ANKMY1: variants seen among roughly 807,000 people sequenced by gnomAD.
ANKMY1 encodes ankyrin repeat and MYND domain-containing protein 1.
ANKMY1 carries 98 observed loss-of-function variants against 102.0 expected under a neutral mutation model. The ratio of observed to expected loss-of-function variants is 0.96; its 90% CI spans 0.82 to 1.14. The LOEUF is 1.14. Ranked by LOEUF, ANKMY1 falls within the 50% of genes most tolerant of loss-of-function variation. ANKMY1 has a pLI of 0.00. For missense variants in ANKMY1, 1,330 were observed against 1,347.6 expected, an observed-to-expected ratio of 0.99 and a Z score of 0.20; for synonymous variants, 582 against 559.9, an observed-to-expected ratio of 1.04 and a Z score of -0.56.
downstream of ANKMY1, among the ~76,000 whole-genome samples, chr2:240,476,901 G>A (rs1012206149): frequency 3.9e-5 from 6 of 152,310 alleles, no homozygotes; most frequent in African/African-American, 9.6e-5. Context: ...TTCACAACAC[G>A]AGAAAAACTT....
At chr2:240,482,992 T>C (rs1322576255) in intron 15 of ANKMY1, among the ~76,000 whole-genome samples, 1 of 152,224 alleles carries the variant, frequency 6.6e-6, no homozygotes, top group Non-Finnish European at 1.5e-5. Flanking sequence ...GGGTTTATAA[T>C]TGTTACATCT....
At chr2:240,530,652 C>T (rs1319425112) in intron 4 of ANKMY1, among the ~76,000 whole-genome samples, 1 of 152,112 alleles carries the variant, frequency 6.6e-6, no homozygotes, top group Non-Finnish European at 1.5e-5. Context: ...TGAGAATGGC[C>T]TAATACACCA....
At position 240,529,674 on chromosome 2, in the gene ANKMY1, C is replaced by T. The variant is rs72998051; in HGVS notation, c.481-165G>A. 0.13 allele frequency among the ~76,000 whole-genome samples: 19,949 copies of T among 152,232 alleles called. 1,386 individuals carry two copies. The highest frequency in any genetic ancestry group is 0.17 in the Middle Eastern group (50 of 294). On this transcript the variant is annotated intron_variant, in intron 4 of 17. Transcript: ENST00000401804. The surrounding 1 kb of genome is among the most constrained non-coding windows in gnomAD (Gnocchi z 4.2). ...AGGCTTAGGCTGTGCCGCCCAGGGA[C>T]CGAGGCGGACCAGCTCTCCCGAGGA...
chr2:240,481,676 C>A (rs77749798), intron 16 of ANKMY1, among the ~76,000 whole-genome samples: 20,367 of 152,194 alleles, frequency 0.13, 1,494 homozygotes, highest in Non-Finnish European at 0.16. Flanking sequence ...GAGGGGCACA[C>A]AAGCATGTAA....
chr2:240,514,463 A>C (rs2080831081), intron 9 of ANKMY1, among the ~76,000 whole-genome samples: 1 of 152,200 alleles, frequency 6.6e-6, no homozygotes, highest in Non-Finnish European at 1.5e-5. Context: ...AAGTCCCACG[A>C]GTCCCAGAAG....
At chr2:240,510,848 C>A (rs2080034139) in intron 11 of ANKMY1, among the ~76,000 whole-genome samples, 1 of 152,034 alleles carries the variant, frequency 6.6e-6, no homozygotes, top group Non-Finnish European at 1.5e-5. Context: ...CACAACTTTC[C>A]CAATCTGTCA....
At chr2:240,539,882 G>A (rs2088182149) in intron 4 of ANKMY1, among the ~76,000 whole-genome samples, 1 of 152,218 alleles carries the variant, frequency 6.6e-6, no homozygotes, top group East Asian at 1.9e-4. Flanking sequence ...ATAGCAGGAA[G>A]GGAAGTCAGA....
chr2:240,489,412 G>T (rs2076394565), intron 15 of ANKMY1, among the ~76,000 whole-genome samples: 1 of 151,518 alleles, frequency 6.6e-6, no homozygotes, highest in Non-Finnish European at 1.5e-5. Flanking sequence ...AGCTGAGATT[G>T]TGCCACTGCA....
At chr2:240,526,035 C>A (rs2083315106) in intron 6 of ANKMY1, 186 bp from the exon 7 acceptor site, 4 of 974,492 alleles carry the variant, frequency 4.1e-6, no homozygotes, top group Non-Finnish European at 6.1e-6. Flanking sequence ...GCCCCAAACC[C>A]TTCTGCACTG....
rs1341239889 is a variant in ANKMY1, at chr2:240,526,276, C to G, written c.1123G>C (p.Ala375Pro). 1.2e-6 allele frequency: 2 copies of G among 1,614,176 alleles called. No homozygotes were observed. Among genetic ancestry groups the G allele is most frequent in the Admixed American group, 3.3e-5 (2 of 60,034 alleles). The part of the protein sequence containing the change: ...CRILKDNFAS[A>P]DVADAKGYTV... Reference sequence around the variant, plus strand: ...TAGCCCTTTGCGTCCGCCACGTCAGCACTAGCAAAGTTGTCCTTCAGGATC... The same window carrying G: ...TAGCCCTTTGCGTCCGCCACGTCAGGACTAGCAAAGTTGTCCTTCAGGATC... The change falls in exon 6 of 18, where the codon GCT becomes CCT. Residue 375 changes from alanine to proline, a missense_variant. Ala to Pro is a conservative substitution (Grantham distance 27). Transcript: ENST00000401804.
At chr2:240,518,410 G>A (rs369583742) in intron 9 of ANKMY1, among the ~76,000 whole-genome samples, 32 of 152,058 alleles carry the variant, frequency 2.1e-4, no homozygotes, top group Admixed American at 6.5e-4. Context: ...TTTCCCACAC[G>A]TGGTTATATT....
At chr2:240,550,212 A>G (rs1343333184) in intron 4 of ANKMY1, among the ~76,000 whole-genome samples, 1 of 152,114 alleles carries the variant, frequency 6.6e-6, no homozygotes, top group Admixed American at 6.5e-5. Flanking sequence ...CATCCTTTGT[A>G]GGGACATGGA....
In ANKMY1 at chr2:240,529,448, T is replaced by C. The variant is rs1400559659; in HGVS notation, c.542A>G (p.Gln181Arg). 1 of 1,614,032 alleles carries C rather than the reference T, an allele frequency of 6.2e-7. No homozygotes were observed. The highest frequency in any genetic ancestry group is 1.3e-5 in the African/African-American group (1 of 74,922). ...PGVETYPDGSQDVGLWFREQL... is the reference protein window; with the variant it reads ...PGVETYPDGSRDVGLWFREQL... ...CTCTCGGAACCACAGCCCCACGTCCTGGCTGCCATCGGGGTAGGTCTCGAC... is the reference window on the plus strand; with the variant it reads ...CTCTCGGAACCACAGCCCCACGTCCCGGCTGCCATCGGGGTAGGTCTCGAC... The change falls in exon 5 of 18, where the codon CAG (glutamine) becomes CGG (arginine). Residue 181 changes from glutamine to arginine, a missense_variant. Coordinates refer to ENST00000401804, the MANE Select transcript of ANKMY1 (RefSeq NM_001282771.3). The surrounding 1 kb of genome is among the most constrained non-coding windows in gnomAD (Gnocchi z 4.2).
At chr2:240,473,409 C>T in the ANKMY1 span, among the ~76,000 whole-genome samples, 6 of 147,910 alleles carry the variant, frequency 4.1e-5, no homozygotes, top group Non-Finnish European at 8.9e-5. Flanking sequence ...AGAGCTTCAA[C>T]AGACTCGATC....
In ANKMY1 at chr2:240,512,792, A is replaced by G. The variant is rs767159317; in HGVS notation, c.2145+10T>C. 2 of 1,612,372 alleles carry G rather than the reference A, an allele frequency of 1.2e-6. No individual in the cohort carries two copies. The highest frequency in any genetic ancestry group is 1.7e-6 in the Non-Finnish European group (2 of 1,179,116). On this transcript the variant is annotated intron_variant, in intron 10 of 17. Coordinates refer to ENST00000401804, the MANE Select transcript of ANKMY1 (RefSeq NM_001282771.3). The stretch of plus-strand genomic sequence containing the variant: ...GCCCCATACCCCTATCCAGGTCGCG[A>G]GGTACACACCTTGCCGGGCTTGTAA...
At chr2:240,538,415 AG>A (rs1200553489) in intron 4 of ANKMY1, among the ~76,000 whole-genome samples, 1 of 152,160 alleles carries the variant, frequency 6.6e-6, no homozygotes, top group African/African-American at 2.4e-5. Flanking sequence ...TGAGGGGCTT[AG>A]CACCTGGGCC....
chr2:240,542,923 ATAAG>A lies in ANKMY1; in HGVS notation c.480+9987_480+9990del, dbSNP rs529112025. On this transcript the variant is annotated intron_variant, in intron 4 of 17. Transcript: ENST00000401804. Reference sequence around the variant, plus strand: ...TTATTTACTTAATTTTCATTAAGTAATAAGTAATTACTTATAATTACTTAATAAA... The same window carrying A: ...TTATTTACTTAATTTTCATTAAGTAATAATTACTTATAATTACTTAATAAA... Among the ~76,000 whole-genome samples, 582 of 150,396 alleles carry A rather than the reference ATAAG, an allele frequency of 3.9e-3. 9 individuals carry two copies. Among genetic ancestry groups the A allele is most frequent in the African/African-American group, 0.013 (530 of 41,234 alleles).
intron 15 of ANKMY1, among the ~76,000 whole-genome samples, chr2:240,493,303 G>A (rs2076861948): frequency 6.6e-6 from 1 of 152,108 alleles, no homozygotes; most frequent in South Asian, 2.1e-4. Context: ...CTCCAGCCTG[G>A]GTGACAGAGT....
At chr2:240,555,231 G>A (rs1200822981) in intron 2 of ANKMY1, 176 bp from the exon 3 acceptor site, 15 of 659,676 alleles carry the variant, frequency 2.3e-5, no homozygotes, top group African/African-American at 3.6e-5. Context: ...AGGGTGCAGC[G>A]ATTGCCCAAG....
Sources: allele counts gnomAD v4.1 joint callset (sites outside exome capture counted in the v4.1 genomes callset), GRCh38; gene constraint gnomAD v4.1.1; non-coding constraint Gnocchi (gnomAD v3.1); transcripts MANE v1.5; gene names NCBI Gene and HGNC (gene_info 2026-07-23, HGNC 2026-07-21).